APBA2: variants seen among roughly 807,000 people sequenced by gnomAD.
The protein encoded by APBA2 is amyloid beta precursor protein binding family A member 2.
In APBA2, 30 loss-of-function variants were observed where a neutral mutation model predicts 75.0. The observed-to-expected ratio is 0.40, with a 90% CI of 0.30 to 0.54. The LOEUF is 0.54. APBA2 is among the 20% of genes least tolerant of loss of function. The pLI, the probability that APBA2 is intolerant of heterozygous loss-of-function variation, is 0.49. For missense variants in APBA2, 801 were observed against 1,016.1 expected (o/e 0.79, Z 2.88); for synonymous variants, 444 against 409.6 (o/e 1.08, Z -1.01).
intron 2 of APBA2, among the ~76,000 whole-genome samples, chr15:28,928,432 C>CTGCTGT (rs1273508629): frequency 6.6e-6 from 1 of 152,140 alleles, no homozygotes; most frequent in African/African-American, 2.4e-5. Context: ...CAGCTTTCAC[C>CTGCTGT]TGCTGTTGTA....
At chr15:28,904,995 G>C (rs1265128998) in intron 1 of APBA2, among the ~76,000 whole-genome samples, 9 of 152,224 alleles carry the variant, frequency 5.9e-5, no homozygotes, top group Non-Finnish European at 1.3e-4. Context: ...CTTATGTGCA[G>C]TTGTTTCTTT....
chr15:29,039,098 G>GGT (rs57326919), intron 3 of APBA2, among the ~76,000 whole-genome samples: 7,352 of 106,140 alleles, frequency 0.069, 460 homozygotes, highest in Non-Finnish European at 0.092. Context: ...TGTATGTCAG[G>GGT]GTGTGTGTGT....
At position 29,053,899 on chromosome 15, in the gene APBA2, G is replaced by A. The variant is rs748858665; in HGVS notation, c.15G>A (p.Lys5=). 1 of 1,611,728 alleles carries A rather than the reference G, an allele frequency of 6.2e-7. No homozygotes were observed. Among genetic ancestry groups the A allele is most frequent in the Non-Finnish European group, 8.5e-7 (1 of 1,178,104 alleles). The change falls in exon 4 of 15, where the codon AAG becomes AAA. Residue 5 remains lysine (K), a synonymous_variant. Transcript: ENST00000683413. The part of the protein sequence containing the change: MAHR[K]LESVGSGMLD... ...GAACGACTGCCATGGCCCACCGGAA[G>A]CTTGAGAGCGTGGGGAGCGGCATGT...
chr15:28,958,590 C>T (rs1361122392), intron 2 of APBA2, among the ~76,000 whole-genome samples: 1 of 152,176 alleles, frequency 6.6e-6, no homozygotes, highest in Non-Finnish European at 1.5e-5. Flanking sequence ...ATTTTGTCAG[C>T]GGCACAGAGC....
At chr15:28,992,988 G>T (rs1377310526) in intron 2 of APBA2, among the ~76,000 whole-genome samples, 1 of 152,230 alleles carries the variant, frequency 6.6e-6, no homozygotes, top group African/African-American at 2.4e-5. Flanking sequence ...CAGCCGAGGG[G>T]GACTGGGGAA....
At chr15:29,057,869 G>T (rs16955013) in intron 4 of APBA2, among the ~76,000 whole-genome samples, 1 of 152,086 alleles carries the variant, frequency 6.6e-6, no homozygotes, top group Non-Finnish European at 1.5e-5. Flanking sequence ...GTACATCAAC[G>T]TTGACCATTT....
At chr15:29,090,740 C>T (rs954700928) in intron 6 of APBA2, among the ~76,000 whole-genome samples, 6 of 152,164 alleles carry the variant, frequency 3.9e-5, no homozygotes, top group Admixed American at 1.3e-4. Context: ...CATTGGGCCC[C>T]ACTGGGTGAC....
chr15:29,103,898 C>T (rs2044263851), intron 10 of APBA2, among the ~76,000 whole-genome samples: 1 of 152,208 alleles, frequency 6.6e-6, no homozygotes, highest in South Asian at 2.1e-4. Flanking sequence ...ATCAGCTCGC[C>T]AACTCCGCAG....
rs1052442717 is a variant in APBA2 at position 29,074,970 on chromosome 15, A to G, written c.1001A>G (p.Asn334Ser). The G allele has an allele frequency of 5.0e-6, 8 of 1,614,146 alleles. No individual in the cohort carries two copies. Among genetic ancestry groups the G allele is most frequent in the Admixed American group, 1.7e-5 (1 of 60,026 alleles). Residue 334 changes from asparagine to serine, a missense_variant, in exon 5 of 15, where the codon AAT becomes AGT. By Grantham distance (46) the Asn-to-Ser change is conservative. This residue lies in a region of APBA2 where 434 missense variants were observed against 471.6 expected (regional missense o/e 0.92). Transcript: ENST00000683413. ...AGGAAGCAGCAGCGCTCTGATCTCA[A>G]TGGACCTGTTGACAATAACAACATT... ...QPRKQQRSDL[N>S]GPVDNNNIPE...
intron 3 of APBA2, among the ~76,000 whole-genome samples, chr15:29,008,334 G>C (rs1032530264): frequency 1.3e-5 from 2 of 152,190 alleles, no homozygotes; most frequent in Non-Finnish European, 2.9e-5. Flanking sequence ...ACAGCAGTGT[G>C]AATGTACTTA....
chr15:28,914,675 A>C (rs2033584533), intron 1 of APBA2, among the ~76,000 whole-genome samples: 1 of 152,000 alleles, frequency 6.6e-6, no homozygotes, highest in Non-Finnish European at 1.5e-5. Context: ...AAAGTTACAG[A>C]AAATATCTTC....
intron 2 of APBA2, among the ~76,000 whole-genome samples, chr15:28,927,958 A>G (rs1055935929): frequency 5.3e-5 from 8 of 151,390 alleles, no homozygotes; most frequent in Admixed American, 5.3e-4. Flanking sequence ...AATCTGACCA[A>G]CATGGAGAAA....
intron 2 of APBA2, among the ~76,000 whole-genome samples, chr15:28,954,166 C>T (rs573053468): frequency 9.9e-5 from 15 of 152,274 alleles, no homozygotes; most frequent in Admixed American, 3.9e-4. Flanking sequence ...ACACCGGCAC[C>T]GCTGCCGTGC....
At chr15:28,962,354 G>A (rs762737655) in intron 2 of APBA2, among the ~76,000 whole-genome samples, 17 of 151,880 alleles carry the variant, frequency 1.1e-4, no homozygotes, top group Non-Finnish European at 2.4e-4. Flanking sequence ...GGCAGTTCAC[G>A]AGGTCAGGAG....
chr15:29,030,773 C>T lies in APBA2; in HGVS notation c.-40-23072C>T, dbSNP rs150164690. On this transcript the variant is annotated intron_variant, in intron 3 of 14. Transcript: ENST00000683413. Reference sequence around the variant, plus strand: ...TGTGTGTGTGTGTGTGTAAAACCTCCGCCTTCTCTATTTGTTAGGTACGGG... The same window carrying T: ...TGTGTGTGTGTGTGTGTAAAACCTCTGCCTTCTCTATTTGTTAGGTACGGG... 1.1e-4 allele frequency among the ~76,000 whole-genome samples: 16 copies of T among 150,630 alleles called. No individual in the cohort carries two copies. In the East Asian group the frequency reaches 1.4e-3, roughly 13 times the overall value.
At chr15:29,026,695 C>T (rs529631772) in intron 3 of APBA2, among the ~76,000 whole-genome samples, 29 of 151,864 alleles carry the variant, frequency 1.9e-4, no homozygotes, top group South Asian at 6.3e-4. Context: ...GAGCGGATCA[C>T]GAGGTCAGGA....
At chr15:28,943,188 G>C (rs981522372) in intron 2 of APBA2, among the ~76,000 whole-genome samples, 70 of 152,324 alleles carry the variant, frequency 4.6e-4, no homozygotes, top group African/African-American at 1.7e-3. Context: ...GGCTGGGTGA[G>C]CCTCAACAGC....
intron 1 of APBA2, among the ~76,000 whole-genome samples, chr15:28,899,623 TTCC>T (rs1291663196): frequency 1.3e-5 from 2 of 151,998 alleles, no homozygotes; most frequent in Admixed American, 6.5e-5. Flanking sequence ...GTGAGCTCAC[TTCC>T]TCCTCAGCCT....
intron 1 of APBA2, among the ~76,000 whole-genome samples, chr15:28,909,064 G>T (rs568213478): frequency 9.4e-5 from 14 of 148,902 alleles, no homozygotes; most frequent in African/African-American, 3.5e-4. Context: ...TCGGCTCACA[G>T]CAAGCTCCGC....
Sources: allele counts gnomAD v4.1 joint callset (sites outside exome capture counted in the v4.1 genomes callset), GRCh38; gene constraint gnomAD v4.1.1; regional missense constraint gnomAD v4.1.1; transcripts MANE v1.5; gene names NCBI Gene and HGNC (gene_info 2026-07-23, HGNC 2026-07-21).